Variants in COLEC10 observed in about 807,000 individuals in gnomAD.
COLEC10 encodes the protein collectin-10.
A neutral mutation model predicts 28.4 loss-of-function variants in COLEC10; 22 were observed. That is an observed-to-expected ratio of 0.78 (90% CI 0.55 to 1.11). The LOEUF (loss-of-function observed/expected upper bound fraction) is 1.11, where lower values mean the gene tolerates loss of function less well. Ranked by LOEUF, COLEC10 falls within the 50% of genes least tolerant of loss-of-function variation. The probability of loss-of-function intolerance (pLI) is 0.00; values close to 1 mark genes in which losing one functional copy is unlikely to be tolerated. For synonymous variants in COLEC10, 125 were observed against 116.1 expected (o/e 1.08, Z -0.49); for missense variants, 361 against 344.1 (o/e 1.05, Z -0.39).
intron 1 of COLEC10, among the ~76,000 whole-genome samples, chr8:119,071,942 T>C (rs2130234476): frequency 6.6e-6 from 1 of 152,284 alleles, no homozygotes; most frequent in Middle Eastern, 3.4e-3. Context: ...AAAGGACTAC[T>C]CCTGGGGGCC....
chr8:119,076,679 A>G (rs1349862031), intron 1 of COLEC10, among the ~76,000 whole-genome samples: 1 of 152,244 alleles, frequency 6.6e-6, no homozygotes, highest in Admixed American at 6.5e-5. Context: ...AAGACATTGT[A>G]GCATTGAGTG....
the COLEC10 span, among the ~76,000 whole-genome samples, chr8:118,989,604 A>T: frequency 1.3e-5 from 2 of 151,026 alleles, no homozygotes; most frequent in African/African-American, 4.9e-5. Context: ...ACCTACTCAA[A>T]CTGCAGAATA....
chr8:119,091,385 CA>C (rs33915063), intron 3 of COLEC10, among the ~76,000 whole-genome samples, 165 bp downstream of exon 3: 85,007 of 137,360 alleles, frequency 0.62, 25,575 homozygotes, highest in Middle Eastern at 0.75. Flanking sequence ...CAATCTCTAC[CA>C]AAAAAAAAAA....
At chr8:119,031,595 T>C (rs1004866562) in intron 2 of COLEC10, among the ~76,000 whole-genome samples, 3 of 152,332 alleles carry the variant, frequency 2.0e-5, no homozygotes, top group African/African-American at 2.4e-5. Flanking sequence ...ATGCTGATGA[T>C]TGGCAAGGAA....
intron 2 of COLEC10, among the ~76,000 whole-genome samples, chr8:119,045,202 T>G (rs1219470110): frequency 1.3e-5 from 2 of 152,200 alleles, no homozygotes; most frequent in East Asian, 3.8e-4. Context: ...ATTAATACAA[T>G]GTAACAAAAT....
chr8:119,056,195 G>A (rs1814758682), intron 2 of COLEC10, among the ~76,000 whole-genome samples: 1 of 151,948 alleles, frequency 6.6e-6, no homozygotes, highest in Non-Finnish European at 1.5e-5. Flanking sequence ...TAACCCCATT[G>A]TTGCTGATAA....
intron 2 of COLEC10, among the ~76,000 whole-genome samples, chr8:119,016,216 C>T (rs1389430138): frequency 2.6e-5 from 4 of 152,036 alleles, no homozygotes; most frequent in African/African-American, 7.2e-5. Flanking sequence ...GTGTGATATT[C>T]CCCTCCCTGT....
the COLEC10 span, among the ~76,000 whole-genome samples, chr8:118,953,755 T>G: frequency 6.6e-6 from 1 of 152,170 alleles, no homozygotes; most frequent in African/African-American, 2.4e-5. Context: ...TTTCCTATAG[T>G]TATGATTATT....
chr8:118,970,836 T>A, the COLEC10 span, among the ~76,000 whole-genome samples: 1 of 152,016 alleles, frequency 6.6e-6, no homozygotes, highest in Non-Finnish European at 1.5e-5. Flanking sequence ...ATTAGGCAAC[T>A]TGATCAATGA....
the COLEC10 span, among the ~76,000 whole-genome samples, chr8:118,989,078 C>T: frequency 6.6e-6 from 1 of 152,088 alleles, no homozygotes; most frequent in Admixed American, 6.6e-5. Flanking sequence ...TTTAAAATAA[C>T]TATAATTAAT....
intron 2 of COLEC10, among the ~76,000 whole-genome samples, chr8:119,023,121 A>T (rs1814127783): frequency 1.3e-5 from 2 of 152,066 alleles, no homozygotes; most frequent in Non-Finnish European, 2.9e-5. Flanking sequence ...TACGCTGGCC[A>T]CTGTATTTAA....
the COLEC10 span, among the ~76,000 whole-genome samples, chr8:118,980,819 G>A: frequency 6.6e-6 from 1 of 152,000 alleles, no homozygotes; most frequent in African/African-American, 2.4e-5. Context: ...GAAAAAAGAT[G>A]GTCTTCCCAT....
chr8:119,062,794 G>A (rs571014377), upstream of COLEC10: 7 of 152,138 alleles, frequency 4.6e-5, no homozygotes, highest in Admixed American at 1.3e-4. Context: ...TTTTTTAAAT[G>A]CGGTTTTAAA....
chr8:119,081,130 T>C (rs117917044), intron 1 of COLEC10, among the ~76,000 whole-genome samples: 2 of 152,264 alleles, frequency 1.3e-5, no homozygotes, highest in South Asian at 2.1e-4. Flanking sequence ...CAAATTAGGG[T>C]ATGCATGTTC....
intron 1 of COLEC10, among the ~76,000 whole-genome samples, chr8:119,074,095 A>C (rs1815179022): frequency 6.6e-6 from 1 of 152,058 alleles, no homozygotes; most frequent in Admixed American, 6.6e-5. Flanking sequence ...TAAAATGGCC[A>C]AAACACTGAA....
At chr8:119,011,512 G>A (rs1813900309) in intron 2 of COLEC10, among the ~76,000 whole-genome samples, 1 of 150,564 alleles carries the variant, frequency 6.6e-6, no homozygotes, top group South Asian at 2.1e-4. Flanking sequence ...AAAATAACTT[G>A]CTGGGTGGGA....
chr8:119,069,629 A>AAAAATATATATATATATAT (rs1554627284), intron 1 of COLEC10, among the ~76,000 whole-genome samples: 3 of 42,878 alleles, frequency 7.0e-5, no homozygotes, highest in Non-Finnish European at 8.8e-5. Flanking sequence ...AAAAAAAAAA[A>AAAAATATATATATATATAT]ATATATATAT....
chr8:119,093,440 T>C (rs1161723866), intron 3 of COLEC10, among the ~76,000 whole-genome samples: 2 of 152,146 alleles, frequency 1.3e-5, no homozygotes, highest in Non-Finnish European at 2.9e-5. Context: ...AAATCCTTAA[T>C]AGCTGGGGAA....
At chr8:119,026,361 C>G (rs1045264839) in intron 2 of COLEC10, among the ~76,000 whole-genome samples, 1 of 151,892 alleles carries the variant, frequency 6.6e-6, no homozygotes, top group Non-Finnish European at 1.5e-5. Context: ...TGAGACCAGC[C>G]TGGGCAACAT....
Sources: allele counts gnomAD v4.1 joint callset (sites outside exome capture counted in the v4.1 genomes callset), GRCh38; gene constraint gnomAD v4.1.1; transcripts MANE v1.5; gene names NCBI Gene and HGNC (gene_info 2026-07-23, HGNC 2026-07-21).